Variants in WASHC2A observed in about 807,000 individuals in gnomAD.
The protein encoded by WASHC2A is WASH complex subunit 2A.
WASHC2A carries 82 observed loss-of-function variants against 140.3 expected under a neutral mutation model. The ratio of observed to expected loss-of-function variants is 0.58; its 90% confidence interval spans 0.49 to 0.70. The LOEUF (loss-of-function observed/expected upper bound fraction) is 0.70. Ranked by LOEUF, WASHC2A falls within the 30% of genes least tolerant of loss-of-function variation. The pLI, the probability that WASHC2A is intolerant of heterozygous loss-of-function variation, is 0.00. For synonymous variants in WASHC2A, 340 were observed against 560.8 expected, an observed-to-expected ratio of 0.61 and a Z score of 5.56; for missense variants, 985 against 1,521.8, an observed-to-expected ratio of 0.65 and a Z score of 5.87.
intron 23 of WASHC2A, among the ~76,000 whole-genome samples, chr10:50,121,553 C>T (rs1223994138): frequency 6.6e-6 from 1 of 150,774 alleles, no homozygotes; most frequent in Non-Finnish European, 1.5e-5. Context: ...ACCACCATGC[C>T]CAGCTAATTT....
At chr10:50,111,465 A>C (rs1406086717) in intron 20 of WASHC2A, among the ~76,000 whole-genome samples, 3 of 152,002 alleles carry the variant, frequency 2.0e-5, no homozygotes, top group African/African-American at 7.2e-5. Context: ...CAAGTTACCT[A>C]ACTTCCCTGT....
Position 50,129,643 on chromosome 10 carries a change from A to C in WASHC2A, c.3312A>C (p.Glu1104Asp), listed in dbSNP as rs1165340089. 3.7e-6 allele frequency: 6 copies of C among 1,611,950 alleles called. No individual in the cohort carries two copies. Among genetic ancestry groups the C allele is most frequent in the Non-Finnish European group, 5.1e-6 (6 of 1,179,876 alleles). ...TGGCAGCTGCCGCTGCACCTTGGGA[A>C]GGTGGTCCTGTGCCTGGAGTGGACA... ...EALAAAAAPWEGGPVPGVDRS... is the reference protein window; with the variant it reads ...EALAAAAAPWDGGPVPGVDRS... Residue 1104 changes from glutamate (E) to aspartate (D), a missense_variant, in exon 29 of 31, where the codon GAA (glutamate) becomes GAC (aspartate). Coordinates refer to ENST00000282633, the MANE Select transcript of WASHC2A (RefSeq NM_001005751.3).
At chr10:50,108,906 A>T (rs1402778395) in intron 19 of WASHC2A, among the ~76,000 whole-genome samples, 1 of 151,252 alleles carries the variant, frequency 6.6e-6, no homozygotes, top group Non-Finnish European at 1.5e-5. Flanking sequence ...AAAAAAAAAA[A>T]AAAAAAGAAG....
At chr10:50,087,208 C>T in intron 7 of WASHC2A, 67 bp from the exon 8 acceptor site, 2 of 1,606,698 alleles carry the variant, frequency 1.2e-6, no homozygotes, top group Non-Finnish European at 1.7e-6. Flanking sequence ...GAGACTTAGA[C>T]CTGCAATCAT....
At chr10:50,075,615 A>T (rs1387679001) in intron 3 of WASHC2A, among the ~76,000 whole-genome samples, 3 of 148,608 alleles carry the variant, frequency 2.0e-5, no homozygotes, top group Non-Finnish European at 4.5e-5. Context: ...TTTCATTTTT[A>T]TCCCTTATAG....
At chr10:50,092,769 CTT>C (rs2132577515) in intron 11 of WASHC2A, among the ~76,000 whole-genome samples, 2 of 152,060 alleles carry the variant, frequency 1.3e-5, no homozygotes, top group African/African-American at 4.8e-5. Context: ...GCAATCATTT[CTT>C]GTCTTCCTAG....
At chr10:50,072,481 CTTTTTTTT>C (rs11440968) in intron 3 of WASHC2A, among the ~76,000 whole-genome samples, 3 of 90,600 alleles carry the variant, frequency 3.3e-5, no homozygotes, top group East Asian at 4.3e-4. Flanking sequence ...AGTGATCTGG[CTTTTTTTT>C]TTTTTTTTTT....
intron 27 of WASHC2A, 58 bp downstream of exon 27, chr10:50,127,280 G>T: frequency 6.2e-7 from 1 of 1,611,696 alleles, no homozygotes; most frequent in Non-Finnish European, 8.5e-7. Context: ...AACTTTTTTG[G>T]GTTTCCTACT....
intron 20 of WASHC2A, among the ~76,000 whole-genome samples, chr10:50,111,836 T>C (rs1197234177): frequency 1.3e-5 from 2 of 152,162 alleles, no homozygotes; most frequent in Admixed American, 1.3e-4. Flanking sequence ...AAGAACAGCC[T>C]GACCAACATG....
chr10:50,109,368 T>G (rs1473473502), intron 19 of WASHC2A, among the ~76,000 whole-genome samples: 2 of 152,194 alleles, frequency 1.3e-5, no homozygotes, highest in African/African-American at 4.8e-5. Context: ...GCTGCATGAG[T>G]TTTTACACTT....
chr10:50,126,614 G>A lies in WASHC2A; in HGVS notation c.2811+435G>A, dbSNP rs1228495694. 1.5e-5 allele frequency: 4 copies of A among 272,366 alleles called. No homozygotes were observed. In the Admixed American group the frequency reaches 1.5e-4, roughly 10 times the overall value. 16.9% of individuals were successfully genotyped at this position (272,366 alleles called of 1,614,324 possible). ...TACTCTGCAGCAGTCTTCCCAGAACGCTGTGGAGCTCCTCCTGGGAACAGC... is the reference window on the plus strand; with the variant it reads ...TACTCTGCAGCAGTCTTCCCAGAACACTGTGGAGCTCCTCCTGGGAACAGC... On this transcript the variant is annotated intron_variant, in intron 26 of 30. Transcript: ENST00000282633.
At chr10:50,074,311 T>G (rs1447130520) in intron 3 of WASHC2A, among the ~76,000 whole-genome samples, 1 of 137,158 alleles carries the variant, frequency 7.3e-6, no homozygotes, top group Admixed American at 7.6e-5. Flanking sequence ...CTGCTCACCC[T>G]GAAAAGATCC....
chr10:50,095,634 T>A lies in WASHC2A; in HGVS notation c.1276T>A (p.Ser426Thr). Reference sequence around the variant, plus strand: ...TGTGTTTGGTGCTGCCTCCGTTCCATCAATGAAGGAGCCACAGAAGCCTGA... The same window carrying A: ...TGTGTTTGGTGCTGCCTCCGTTCCAACAATGAAGGAGCCACAGAAGCCTGA... ...TDVFGAASVP[S>T]MKEPQKPEQP... The change falls in exon 15 of 31, where the codon TCA (serine) becomes ACA (threonine). Residue 426 changes from serine to threonine, a missense_variant. By Grantham distance (58) the Ser-to-Thr change is moderately conservative (BLOSUM62 1). Transcript: ENST00000282633. 6.2e-7 allele frequency: 1 copy of A among 1,611,818 alleles called. No individual in the cohort carries two copies. The highest frequency in any genetic ancestry group is 8.5e-7 in the Non-Finnish European group (1 of 1,179,834).
rs1475321525 is a variant in WASHC2A at position 50,110,261 on chromosome 10, C to T, written c.2030C>T (p.Ala677Val). 3 of 1,611,592 alleles carry T rather than the reference C, an allele frequency of 1.9e-6. No individual in the cohort carries two copies. The highest frequency in any genetic ancestry group is 1.1e-5 in the South Asian group (1 of 90,966). The change falls in exon 20 of 31, where the codon GCC (alanine) becomes GTC (valine). Residue 677 changes from alanine (A) to valine (V), a missense_variant. Coordinates refer to ENST00000282633, the MANE Select transcript of WASHC2A (RefSeq NM_001005751.3). Reference sequence around the variant, plus strand: ...GAAGAAGATGATCTTTTTGCCATTGCCAAGGACAGGTGAGATAGTCATTGG... The same window carrying T: ...GAAGAAGATGATCTTTTTGCCATTGTCAAGGACAGGTGAGATAGTCATTGG... ...EDEEDDLFAIAKDSQKKTQRV... is the reference protein window; with the variant it reads ...EDEEDDLFAIVKDSQKKTQRV...
At chr10:50,109,526 C>T (rs1371827099) in intron 19 of WASHC2A, among the ~76,000 whole-genome samples, 2 of 150,872 alleles carry the variant, frequency 1.3e-5, no homozygotes, top group African/African-American at 5.0e-5. Flanking sequence ...AGTCGCTTGT[C>T]GTAATACAGT....
chr10:50,078,762 C>A (rs1838616298), intron 4 of WASHC2A, 25 bp downstream of exon 4: 2 of 1,611,744 alleles, frequency 1.2e-6, no homozygotes, highest in Admixed American at 3.3e-5. Context: ...TCACTCTTAG[C>A]TGAGTTTCTG....
intron 19 of WASHC2A, among the ~76,000 whole-genome samples, chr10:50,109,862 T>C (rs1221644924): frequency 1.3e-5 from 2 of 152,072 alleles, no homozygotes; most frequent in Non-Finnish European, 2.9e-5. Flanking sequence ...CTCTGCCTCC[T>C]GGGTTCACTC....
intron 30 of WASHC2A, 114 bp downstream of exon 30, chr10:50,131,192 C>T: frequency 8.9e-7 from 1 of 1,128,002 alleles, no homozygotes; most frequent in South Asian, 1.3e-5. Context: ...AGCGGGTTCA[C>T]TTCAGTGTAA....
Position 50,087,322 on chromosome 10 carries a change from G to C in WASHC2A, c.732G>C (p.Arg244=). The change falls in exon 8 of 31, where the codon CGG becomes CGC. Residue 244 remains arginine (R), a splice_region_variant and synonymous_variant. Coordinates refer to ENST00000282633, the MANE Select transcript of WASHC2A (RefSeq NM_001005751.3). The part of the protein sequence containing the change: ...FAHHSDNEQN[R]HTTQMSDEEE... ...ATCATAGTGACAATGAACAAAACCG[G>C]GTAAGGCTCATATATTGAAATGACT... The C allele has an allele frequency of 6.2e-7, 1 of 1,613,898 alleles. No homozygotes were observed. Among genetic ancestry groups the C allele is most frequent in the Non-Finnish European group, 8.5e-7 (1 of 1,179,856 alleles).
Sources: allele counts gnomAD v4.1 joint callset (sites outside exome capture counted in the v4.1 genomes callset), GRCh38; gene constraint gnomAD v4.1.1; transcripts MANE v1.5; gene names NCBI Gene and HGNC (gene_info 2026-07-23, HGNC 2026-07-21).